Variants in GOLM2 observed in about 807,000 individuals in gnomAD.
GOLM2 encodes golgi membrane protein 2.
In GOLM2, 26 loss-of-function variants were observed where a neutral mutation model predicts 55.9. The ratio of observed to expected loss-of-function variants is 0.47; its 90% confidence interval spans 0.34 to 0.65. GOLM2 has a LOEUF of 0.65. Among genes scored for constraint, GOLM2 ranks in the 30% least tolerant of loss-of-function variants. GOLM2 has a pLI of 0.01. For synonymous variants in GOLM2, 165 were observed against 194.6 expected (o/e 0.85, Z 1.27); for missense variants, 486 against 531.8 (o/e 0.91, Z 0.85).
chr15:44,390,212 A>G (rs1215580328), intron 8 of GOLM2: 1 of 152,222 alleles, frequency 6.6e-6, no homozygotes, highest in African/African-American at 2.4e-5. Flanking sequence ...TGGTGACACA[A>G]AATATAGTTT....
chr15:44,378,047 A>G (rs981886890), intron 6 of GOLM2, among the ~76,000 whole-genome samples: 2 of 148,966 alleles, frequency 1.3e-5, no homozygotes, highest in Middle Eastern at 3.5e-3. Flanking sequence ...TTATTTATTT[A>G]TTTATTTATT....
At chr15:44,290,232 A>G (rs981413498) in intron 1 of GOLM2, among the ~76,000 whole-genome samples, 1 of 152,232 alleles carries the variant, frequency 6.6e-6, no homozygotes, top group African/African-American at 2.4e-5. Flanking sequence ...ATTGGTAACT[A>G]TATTAATAGT....
At chr15:44,336,960 T>A (rs1567028918) in intron 4 of GOLM2, among the ~76,000 whole-genome samples, 2 of 152,224 alleles carry the variant, frequency 1.3e-5, no homozygotes, top group African/African-American at 4.8e-5. Flanking sequence ...CTTGTTTTTC[T>A]AGATTCCATA....
At chr15:44,403,717 A>G (rs536156097) in intron 9 of GOLM2, among the ~76,000 whole-genome samples, 6 of 152,166 alleles carry the variant, frequency 3.9e-5, no homozygotes, top group Non-Finnish European at 8.8e-5. Context: ...TTTCTCATCT[A>G]AAAACATTTT....
chr15:44,292,480 G>GCCACCGCAC (rs2078728140), intron 1 of GOLM2, among the ~76,000 whole-genome samples: 1 of 152,122 alleles, frequency 6.6e-6, no homozygotes, highest in African/African-American at 2.4e-5. Context: ...ACAGGCGTGA[G>GCCACCGCAC]CCACCGCACC....
At chr15:44,354,219 A>G (rs1364492776) in intron 6 of GOLM2, among the ~76,000 whole-genome samples, 1 of 151,152 alleles carries the variant, frequency 6.6e-6, no homozygotes, top group African/African-American at 2.4e-5. Context: ...AACACTCACC[A>G]AGATAGACCA....
intron 6 of GOLM2, 72 bp from the exon 7 acceptor site, chr15:44,379,618 G>GTTTTTTT: frequency 1.6e-5 from 7 of 428,368 alleles, no homozygotes; most frequent in South Asian, 8.4e-5. Flanking sequence ...ATTCACGGTG[G>GTTTTTTT]TTTTTTTTTT....
At chr15:44,369,127 C>G (rs1477019124) in intron 6 of GOLM2, among the ~76,000 whole-genome samples, 1 of 105,450 alleles carries the variant, frequency 9.5e-6, no homozygotes, top group Non-Finnish European at 2.0e-5. Context: ...ACCCGGCTAC[C>G]ACACCCGGCC....
At chr15:44,300,224 G>C (rs968236870) in intron 1 of GOLM2, among the ~76,000 whole-genome samples, 7 of 151,132 alleles carry the variant, frequency 4.6e-5, no homozygotes, top group Non-Finnish European at 1.0e-4. Context: ...GAAAGAGGGA[G>C]AGGGAGAGGG....
intron 1 of GOLM2, among the ~76,000 whole-genome samples, chr15:44,294,833 G>T (rs1337558046): frequency 1.3e-5 from 2 of 151,402 alleles, no homozygotes; most frequent in Non-Finnish European, 2.9e-5. Context: ...AGCAGAGGTT[G>T]CAGTGAGCCA....
chr15:44,307,074 C>T (rs1200740647), intron 1 of GOLM2, among the ~76,000 whole-genome samples: 1 of 152,052 alleles, frequency 6.6e-6, no homozygotes, highest in Non-Finnish European at 1.5e-5. Context: ...AAAAATTGTG[C>T]CAATACATTT....
At chr15:44,351,412 TA>T (rs1286827613) in intron 6 of GOLM2, among the ~76,000 whole-genome samples, 1 of 151,478 alleles carries the variant, frequency 6.6e-6, no homozygotes, top group Non-Finnish European at 1.5e-5. Context: ...CCGTCTCTAC[TA>T]AAAATAACAA....
At chr15:44,368,247 C>T (rs890199632) in intron 6 of GOLM2, among the ~76,000 whole-genome samples, 1 of 151,716 alleles carries the variant, frequency 6.6e-6, no homozygotes, top group East Asian at 1.9e-4. Flanking sequence ...AGTCGATCCT[C>T]CCACCTAAAA....
chr15:44,366,309 A>AC (rs2079284691), intron 6 of GOLM2, among the ~76,000 whole-genome samples: 5 of 150,494 alleles, frequency 3.3e-5, no homozygotes, highest in African/African-American at 1.2e-4. Flanking sequence ...AAAAAAAAAA[A>AC]AAAAACAAAA....
At chr15:44,350,476 A>G (rs899809716) in intron 6 of GOLM2, among the ~76,000 whole-genome samples, 5 of 152,218 alleles carry the variant, frequency 3.3e-5, no homozygotes, top group African/African-American at 1.2e-4. Context: ...TGAAGCTGTA[A>G]TAAAAAGTCT....
chr15:44,398,348 C>A (rs1043725130), intron 8 of GOLM2, among the ~76,000 whole-genome samples: 8 of 152,182 alleles, frequency 5.3e-5, no homozygotes, highest in African/African-American at 1.9e-4. Flanking sequence ...TCCTGTCACC[C>A]AGGCTGGAAT....
chr15:44,353,006 A>G (rs902213428), intron 6 of GOLM2, among the ~76,000 whole-genome samples: 1 of 152,182 alleles, frequency 6.6e-6, no homozygotes, highest in Non-Finnish European at 1.5e-5. Flanking sequence ...AAATAATCAG[A>G]CTATATAAGG....
intron 8 of GOLM2, among the ~76,000 whole-genome samples, chr15:44,402,306 TCTTTGTCATCC>T (rs1465328235): frequency 6.6e-6 from 1 of 152,114 alleles, no homozygotes; most frequent in Non-Finnish European, 1.5e-5. Flanking sequence ...TGGCTTACCT[TCTTTGTCATCC>T]CTTTTTGGAA....
chr15:44,366,284 G>A (rs1435776661), intron 6 of GOLM2, among the ~76,000 whole-genome samples: 4 of 139,820 alleles, frequency 2.9e-5, no homozygotes, highest in Admixed American at 2.2e-4. Flanking sequence ...GCAACAGAGC[G>A]AGACTCCGTC....
Sources: gnomAD v4.1 joint callset for allele counts (sites outside exome capture counted in the v4.1 genomes callset) on GRCh38, gnomAD v4.1.1 for gene constraint, MANE v1.5 for transcripts, NCBI Gene and HGNC (gene_info 2026-07-23, HGNC 2026-07-21) for gene names.